Variants in COLGALT2 observed in about 807,000 individuals in gnomAD.
COLGALT2 encodes procollagen galactosyltransferase 2.
Under a neutral mutation model 73.4 loss-of-function variants are expected in COLGALT2, and 49 were observed. The observed-to-expected ratio is 0.67, with a 90% confidence interval of 0.53 to 0.85. COLGALT2 has a LOEUF of 0.85. Ranked by LOEUF, COLGALT2 falls within the 40% of genes least tolerant of loss-of-function variation. The pLI, the probability that COLGALT2 is intolerant of heterozygous loss-of-function variation, is 0.00. For synonymous variants in COLGALT2, 295 were observed against 307.6 expected (o/e 0.96, Z 0.43); for missense variants, 722 against 790.2 (o/e 0.91, Z 1.03).
At chr1:183,967,424 G>C (rs1670909994) in intron 5 of COLGALT2, among the ~76,000 whole-genome samples, 1 of 152,026 alleles carries the variant, frequency 6.6e-6, no homozygotes. Context: ...AACAACTTTG[G>C]GTGTCTACCT....
intron 1 of COLGALT2, among the ~76,000 whole-genome samples, chr1:184,018,930 A>G (rs1216839574): frequency 6.6e-6 from 1 of 152,244 alleles, no homozygotes; most frequent in African/African-American, 2.4e-5. Flanking sequence ...TCATGGGACC[A>G]TACATCTGCC....
chr1:183,969,589 C>T lies in COLGALT2; in HGVS notation c.628-116G>A, dbSNP rs994685304. Reference sequence around the variant, plus strand: ...TACCAGCTATATACAAGCTCCCAAACAAAGCCACCTTCACTCCTCTTATCA... The same window carrying T: ...TACCAGCTATATACAAGCTCCCAAATAAAGCCACCTTCACTCCTCTTATCA... On this transcript the variant is annotated intron_variant, in intron 4 of 11. Coordinates refer to ENST00000361927, the MANE Select transcript of COLGALT2 (RefSeq NM_015101.4). 5.0e-6 allele frequency: 4 copies of T among 797,012 alleles called. No individual in the cohort carries two copies. In the African/African-American group the frequency reaches 7.1e-5, roughly 14 times the overall value. 49.4% of individuals were successfully genotyped at this position (797,012 alleles called of 1,614,324 possible). A position where few individuals can be genotyped will look rare whatever the true frequency, so the allele number is the denominator to read the frequency against.
At chr1:183,949,862 T>C (rs890335042) in intron 8 of COLGALT2, among the ~76,000 whole-genome samples, 1 of 152,204 alleles carries the variant, frequency 6.6e-6, no homozygotes, top group African/African-American at 2.4e-5. Context: ...CCAGGATATA[T>C]AAAGAACTCT....
At chr1:184,026,800 A>G (rs548213411) in intron 1 of COLGALT2, among the ~76,000 whole-genome samples, 63 of 152,342 alleles carry the variant, frequency 4.1e-4, no homozygotes, top group Non-Finnish European at 6.9e-4. Flanking sequence ...ATTAGGGTAT[A>G]TAAGGACTGA....
rs1428377804 is a variant in COLGALT2, at chr1:183,938,920, G to A, written c.1722C>T (p.Thr574=). ...CTGTCTCATTGTCCCAGATGGTGGA[G>A]GTCTCCGTGTCACTCAGGTACCCCG... is the stretch of plus-strand genomic sequence containing the variant. ...GQPGYLSDTE[T]STIWDNETVA... The change falls in exon 12 of 12, where the codon ACC becomes ACT. Residue 574 remains threonine, a synonymous_variant. Coordinates refer to ENST00000361927, the MANE Select transcript of COLGALT2 (RefSeq NM_015101.4). 4 of 1,614,060 alleles carry A rather than the reference G, an allele frequency of 2.5e-6. No homozygotes were observed. In the Admixed American group the frequency reaches 5.0e-5, roughly 20 times the overall value.
chr1:184,023,258 T>C (rs1056580601), intron 1 of COLGALT2, among the ~76,000 whole-genome samples: 1 of 152,188 alleles, frequency 6.6e-6, no homozygotes, highest in African/African-American at 2.4e-5. Flanking sequence ...CCTTTGACTT[T>C]TGTTTTGCTC....
chr1:183,986,340 A>C (rs1671488126), intron 1 of COLGALT2, among the ~76,000 whole-genome samples: 1 of 152,216 alleles, frequency 6.6e-6, no homozygotes, highest in Non-Finnish European at 1.5e-5. Flanking sequence ...AGAAAAACTC[A>C]CTTCTCATGA....
Position 183,969,238 on chromosome 1 carries a change from T to C in COLGALT2, c.832+31A>G, listed in dbSNP as rs772639326. On this transcript the variant is annotated intron_variant, in intron 5 of 11. Coordinates refer to ENST00000361927, the MANE Select transcript of COLGALT2 (RefSeq NM_015101.4). Reference sequence around the variant, plus strand: ...AGCTGGTCATTTTGCTGTGTCTCCATTGTGGCACTACAACCAAAGACAAAC... The same window carrying C: ...AGCTGGTCATTTTGCTGTGTCTCCACTGTGGCACTACAACCAAAGACAAAC... 4.5e-5 allele frequency: 70 copies of C among 1,566,232 alleles called. No homozygotes were observed. In the East Asian group the frequency reaches 9.1e-4, roughly 20 times the overall value.
At chr1:184,024,963 G>A (rs1649289075) in intron 1 of COLGALT2, among the ~76,000 whole-genome samples, 1 of 152,196 alleles carries the variant, frequency 6.6e-6, no homozygotes, top group Non-Finnish European at 1.5e-5. Context: ...GCTTTCCAGA[G>A]GGACACTTAA....
At chr1:183,960,580 C>A (rs906716648) in intron 6 of COLGALT2, among the ~76,000 whole-genome samples, 12 of 152,154 alleles carry the variant, frequency 7.9e-5, no homozygotes, top group African/African-American at 2.9e-4. Flanking sequence ...TGTTTTGAAT[C>A]CCTAGTACCT....
chr1:183,996,070 C>A (rs1211309283), intron 1 of COLGALT2, among the ~76,000 whole-genome samples: 3 of 152,152 alleles, frequency 2.0e-5, no homozygotes, highest in Admixed American at 6.5e-5. Context: ...CTTTTCTAGT[C>A]TTGTCCCAAC....
intron 6 of COLGALT2, among the ~76,000 whole-genome samples, chr1:183,960,708 AATGTG>A (rs1360531637): frequency 1.3e-5 from 2 of 152,218 alleles, no homozygotes; most frequent in African/African-American, 4.8e-5. Context: ...GATTGCTCTG[AATGTG>A]ACCCAATACA....
intron 1 of COLGALT2, among the ~76,000 whole-genome samples, chr1:184,003,746 A>G (rs1671992417): frequency 6.6e-6 from 1 of 152,038 alleles, no homozygotes; most frequent in Non-Finnish European, 1.5e-5. Flanking sequence ...TACCATTTCA[A>G]TTTTTCTATT....
At chr1:184,010,052 C>T (rs1488132638) in intron 1 of COLGALT2, among the ~76,000 whole-genome samples, 1 of 152,158 alleles carries the variant, frequency 6.6e-6, no homozygotes, top group Non-Finnish European at 1.5e-5. Context: ...GGGGAGGATC[C>T]TGCAAAATCT....
chr1:184,037,439 G>A lies in COLGALT2; in HGVS notation c.-82C>T. 8.0e-7 allele frequency: 1 copy of A among 1,249,698 alleles called. No individual in the cohort carries two copies. Among genetic ancestry groups the A allele is most frequent in the Non-Finnish European group, 1.0e-6 (1 of 1,000,316 alleles). The allele number at this position is 1,249,698 out of a possible 1,614,324, so 77.4% of individuals were successfully genotyped here. A position where few individuals can be genotyped will look rare whatever the true frequency, so the allele number is the denominator to read the frequency against. The stretch of plus-strand genomic sequence containing the variant: ...CCTGAGGGCGGCGGCGGCTGCCGGG[G>A]AGCAAGGGGCTGCGAGGGGCGGCCG... On this transcript the variant is annotated 5_prime_UTR_variant, in exon 1 of 12. Transcript: ENST00000361927.
chr1:184,018,146 A>G (rs1045227067), intron 1 of COLGALT2, among the ~76,000 whole-genome samples: 9 of 152,176 alleles, frequency 5.9e-5, no homozygotes, highest in African/African-American at 2.2e-4. Context: ...CTAAATAACT[A>G]TATATATTTG....
intron 1 of COLGALT2, among the ~76,000 whole-genome samples, chr1:184,034,264 T>C (rs1649602689): frequency 6.7e-6 from 1 of 148,494 alleles, no homozygotes; most frequent in African/African-American, 2.5e-5. Context: ...AAACTCTGGT[T>C]GATGCCCTAT....
At chr1:183,963,750 T>G in intron 6 of COLGALT2, 151 bp downstream of exon 6, 1 of 867,626 alleles carries the variant, frequency 1.2e-6, no homozygotes. Flanking sequence ...TAGGAAAAAT[T>G]TAGGAAAGAA....
intron 1 of COLGALT2, among the ~76,000 whole-genome samples, chr1:184,014,190 A>G (rs1021903404): frequency 4.6e-5 from 7 of 152,224 alleles, no homozygotes; most frequent in East Asian, 1.9e-4. Context: ...AGGTTTTCCA[A>G]CGAAAAGAAA....
Sources: gnomAD v4.1 joint callset for allele counts (sites outside exome capture counted in the v4.1 genomes callset) on GRCh38, gnomAD v4.1.1 for gene constraint, MANE v1.5 for transcripts, NCBI Gene and HGNC (gene_info 2026-07-23, HGNC 2026-07-21) for gene names.